SIM1: variants seen among roughly 807,000 people sequenced by gnomAD.
SIM1 encodes the protein single-minded homolog 1.
SIM1 carries 18 observed loss-of-function variants against 78.2 expected under a neutral mutation model. The ratio of observed to expected loss-of-function variants is 0.23; its 90% CI spans 0.16 to 0.34. The LOEUF (loss-of-function observed/expected upper bound fraction) is 0.34. Among genes scored for constraint, SIM1 ranks in the 10% least tolerant of loss-of-function variants. The probability of loss-of-function intolerance (pLI) is 1.00; values close to 1 mark genes in which losing one functional copy is unlikely to be tolerated. For synonymous variants in SIM1, 417 were observed against 385.2 expected, an observed-to-expected ratio of 1.08 and a Z score of -0.97; for missense variants, 939 against 975.1, an observed-to-expected ratio of 0.96 and a Z score of 0.49.
chr6:100,412,585 AAGAAAGAAAG>A (rs755510135), intron 10 of SIM1, among the ~76,000 whole-genome samples: 1 of 118,114 alleles, frequency 8.5e-6, no homozygotes, highest in African/African-American at 3.0e-5. Context: ...GAAAGAAAGA[AAGAAAGAAAG>A]AAAGAAAGAA....
chr6:100,463,066 TGATG>T (rs1772894930), intron 2 of SIM1: 2 of 461,358 alleles, frequency 4.3e-6, no homozygotes, highest in East Asian at 6.3e-5. Flanking sequence ...CAAACATATC[TGATG>T]GACTGAAGAG....
At chr6:100,440,772 A>G (rs1772191853) in intron 9 of SIM1, among the ~76,000 whole-genome samples, 1 of 152,216 alleles carries the variant, frequency 6.6e-6, no homozygotes, top group Non-Finnish European at 1.5e-5. Context: ...ATCATAAGCC[A>G]AGAACAGAGA....
At chr6:100,434,015 A>G (rs1369416387) in intron 9 of SIM1, among the ~76,000 whole-genome samples, 1 of 152,210 alleles carries the variant, frequency 6.6e-6, no homozygotes, top group Non-Finnish European at 1.5e-5. Flanking sequence ...AATGATAGAA[A>G]TTTGTTTGTA....
intron 2 of SIM1, among the ~76,000 whole-genome samples, chr6:100,454,395 AT>A (rs1772592400): frequency 6.6e-6 from 1 of 152,064 alleles, no homozygotes; most frequent in African/African-American, 2.4e-5. Context: ...CTTCGGAAAA[AT>A]TAGTTCCCTG....
At chr6:100,416,384 T>C (rs917456965) in intron 10 of SIM1, among the ~76,000 whole-genome samples, 9 of 152,326 alleles carry the variant, frequency 5.9e-5, no homozygotes, top group Non-Finnish European at 8.8e-5. Flanking sequence ...ATATGCCTAA[T>C]ACATATTAGA....
At chr6:100,437,889 G>A (rs984713139) in intron 9 of SIM1, among the ~76,000 whole-genome samples, 45 of 152,170 alleles carry the variant, frequency 3.0e-4, no homozygotes, top group African/African-American at 1.0e-3. Flanking sequence ...TGAGGATATA[G>A]AGAAAATAGT....
chr6:100,454,960 T>C (rs945690579), intron 2 of SIM1, among the ~76,000 whole-genome samples: 23 of 152,150 alleles, frequency 1.5e-4, no homozygotes, highest in African/African-American at 5.3e-4. Context: ...TAAACAAAGT[T>C]TAACATGACC....
At chr6:100,438,602 C>T (rs1444149150) in intron 9 of SIM1, among the ~76,000 whole-genome samples, 1 of 152,156 alleles carries the variant, frequency 6.6e-6, no homozygotes. Context: ...CCAGCAATCC[C>T]ACTACTGGGT....
At chr6:100,403,493 C>T (rs1357933150) in intron 10 of SIM1, among the ~76,000 whole-genome samples, 2 of 152,184 alleles carry the variant, frequency 1.3e-5, no homozygotes, top group African/African-American at 4.8e-5. Context: ...CTTTGCAAGG[C>T]GGCATGCCAG....
intron 2 of SIM1, 27 bp from the exon 3 acceptor site, chr6:100,453,871 G>A (rs1772579262): frequency 1.9e-6 from 3 of 1,577,930 alleles, no homozygotes; most frequent in Non-Finnish European, 2.6e-6. Context: ...GCATCCTGTA[G>A]CCACTGAACC....
chr6:100,409,662 T>TAAGAAAA lies in SIM1; in HGVS notation c.1167+11127_1167+11128insTTTTCTT, dbSNP rs1771143231. On this transcript the variant is annotated intron_variant, in intron 10 of 11. Coordinates refer to ENST00000369208, the MANE Select transcript of SIM1 (RefSeq NM_005068.3). ...TGAAATCTTTATTTTTTTCTTAATG[T>TAAGAAAA]AAGTGTTTATACACTTTCCTATTAA... Among the ~76,000 whole-genome samples the TAAGAAAA allele has an allele frequency of 3.3e-5, 5 of 152,266 alleles. No individual in the cohort carries two copies. The South Asian group carries it at 8.3e-4, about 25-fold the overall frequency.
intron 4 of SIM1, 49 bp from the exon 5 acceptor site, chr6:100,449,748 G>A (rs1196997341): frequency 1.4e-6 from 2 of 1,471,996 alleles, no homozygotes; most frequent in Middle Eastern, 1.7e-4. Context: ...AATGCCCGGT[G>A]AAGGGACTGA....
In SIM1 at chr6:100,449,299, G is replaced by A. The variant is rs1040541586; in HGVS notation, c.543+64C>T. 14 of 1,381,264 alleles carry A rather than the reference G, an allele frequency of 1.0e-5. No individual in the cohort carries two copies. The African/African-American group carries it at 1.4e-4, about 14-fold the overall frequency. 85.6% of individuals were successfully genotyped at this position (1,381,264 alleles called of 1,614,324 possible). ...CCAGAGGTAGGGACATTCCTCCCAC[G>A]CCGCACGCGCCTTGCTTCCCGCCTC... is the stretch of plus-strand genomic sequence containing the variant. On this transcript the variant is annotated intron_variant, in intron 6 of 11. Coordinates refer to ENST00000369208, the MANE Select transcript of SIM1 (RefSeq NM_005068.3).
chr6:100,450,038 C>G (rs938697593), intron 4 of SIM1, among the ~76,000 whole-genome samples: 1 of 152,092 alleles, frequency 6.6e-6, no homozygotes, highest in Non-Finnish European at 1.5e-5. Flanking sequence ...TCTGGCTTGA[C>G]GTAGGGACTC....
chr6:100,412,745 AAGAAAG>A (rs1562240219), intron 10 of SIM1, among the ~76,000 whole-genome samples: 5 of 145,914 alleles, frequency 3.4e-5, no homozygotes, highest in African/African-American at 1.3e-4. Flanking sequence ...GAAAGAAAGA[AAGAAAG>A]AAAAAAGAAA....
intron 9 of SIM1, among the ~76,000 whole-genome samples, chr6:100,433,962 T>A (rs796684572): frequency 7.2e-5 from 11 of 152,248 alleles, no homozygotes; most frequent in African/African-American, 2.6e-4. Context: ...AAAACATTTC[T>A]TACCGTTACC....
chr6:100,440,522 C>A (rs1772184228), intron 9 of SIM1, among the ~76,000 whole-genome samples: 1 of 152,216 alleles, frequency 6.6e-6, no homozygotes, highest in Non-Finnish European at 1.5e-5. Context: ...CAAGGAGGAG[C>A]CCTCTTCCCG....
intron 4 of SIM1, 84 bp from the exon 5 acceptor site, chr6:100,449,783 G>A (rs1772463584): frequency 1.8e-6 from 2 of 1,103,376 alleles, no homozygotes. Context: ...GGATCTGCAG[G>A]ACCATGAGGA....
Position 100,388,953 on chromosome 6 carries a change from G to GA in SIM1, c.*1407dup. The GA allele has an allele frequency of 6.6e-6, 1 of 152,160 alleles. No homozygotes were observed. The allele number at this position is 152,160 out of a possible 1,614,324, so 9.4% of individuals were successfully genotyped here. ...CAAAGCATCTAAACTTCTGTGTACA[G>GA]AAAAAACAGAATGATCAGTCTTGAC... On this transcript the variant is annotated 3_prime_UTR_variant, in exon 12 of 12. Coordinates refer to ENST00000369208, the MANE Select transcript of SIM1 (RefSeq NM_005068.3).
Sources: allele counts gnomAD v4.1 joint callset (sites outside exome capture counted in the v4.1 genomes callset), GRCh38; gene constraint gnomAD v4.1.1; transcripts MANE v1.5; gene names NCBI Gene and HGNC (gene_info 2026-07-23, HGNC 2026-07-21).